C12orf56: variants seen among roughly 807,000 people sequenced by gnomAD.
The protein encoded by C12orf56 is chromosome 12 open reading frame 56.
Under a neutral mutation model 69.9 loss-of-function variants are expected in C12orf56, and 71 were observed. The observed-to-expected ratio is 1.02, with a 90% CI of 0.84 to 1.24. The LOEUF is 1.24. Among genes scored for constraint, C12orf56 ranks in the 50% most tolerant of loss-of-function variants. C12orf56 has a pLI of 0.00. For synonymous variants in C12orf56, 276 were observed against 274.1 expected (o/e 1.01, Z -0.07); for missense variants, 732 against 738.5 (o/e 0.99, Z 0.10).
intron 8 of C12orf56, among the ~76,000 whole-genome samples, chr12:64,278,309 C>CT (rs1023757900): frequency 6.6e-6 from 1 of 151,928 alleles, no homozygotes; most frequent in Non-Finnish European, 1.5e-5. Context: ...CTTCTTTTTT[C>CT]TTTTTTTAGG....
chr12:64,302,257 T>C (rs1231059998), intron 6 of C12orf56, among the ~76,000 whole-genome samples: 1 of 152,166 alleles, frequency 6.6e-6, no homozygotes, highest in Non-Finnish European at 1.5e-5. Flanking sequence ...CACTACATCA[T>C]CCTTACCTGA....
At chr12:64,366,094 T>C (rs2039472876) in intron 1 of C12orf56, among the ~76,000 whole-genome samples, 4 of 127,136 alleles carry the variant, frequency 3.1e-5, no homozygotes, top group South Asian at 2.3e-4. Flanking sequence ...TAATATATAG[T>C]TTATATATTA....
At chr12:64,358,542 G>A (rs979894313) in intron 1 of C12orf56, among the ~76,000 whole-genome samples, 22 of 144,304 alleles carry the variant, frequency 1.5e-4, no homozygotes, top group Admixed American at 1.4e-3. Context: ...GCCTGTGATT[G>A]CAGCACTTTG....
At chr12:64,346,083 A>C (rs2039137324) in intron 2 of C12orf56, among the ~76,000 whole-genome samples, 1 of 152,172 alleles carries the variant, frequency 6.6e-6, no homozygotes, top group Admixed American at 6.6e-5. Flanking sequence ...AATTTGTATT[A>C]GTCAGGGTTC....
intron 3 of C12orf56, among the ~76,000 whole-genome samples, chr12:64,321,597 G>C (rs2038774223): frequency 6.6e-6 from 1 of 152,080 alleles, no homozygotes; most frequent in South Asian, 2.1e-4. Flanking sequence ...GCCTCCCAAA[G>C]TGCTGGGATT....
At chr12:64,365,162 CTTTTT>C (rs386376771) in intron 1 of C12orf56, among the ~76,000 whole-genome samples, 2 of 123,052 alleles carry the variant, frequency 1.6e-5, no homozygotes, top group Admixed American at 9.5e-5. Flanking sequence ...AAAGCTGTTC[CTTTTT>C]TTTTTTTTTT....
chr12:64,276,244 C>G (rs2038049950), intron 9 of C12orf56, among the ~76,000 whole-genome samples: 1 of 152,136 alleles, frequency 6.6e-6, no homozygotes, highest in Admixed American at 6.5e-5. Context: ...GACATGAGAC[C>G]TGCCCTCATG....
intron 12 of C12orf56, among the ~76,000 whole-genome samples, chr12:64,270,175 A>G (rs1285160323): frequency 6.6e-6 from 1 of 151,970 alleles, no homozygotes; most frequent in Non-Finnish European, 1.5e-5. Flanking sequence ...AGGTGGGTGG[A>G]TCATCAGGTT....
In C12orf56 at chr12:64,314,747, G is replaced by A. The variant is rs369227473; in HGVS notation, c.895-1995C>T. ...CCTCCCAGGTTCAAGCGATTCTCCT[G>A]CCTCAGTCTCCCGAGTAGCTGGGAC... On this transcript the variant is annotated intron_variant, in intron 4 of 12. Coordinates refer to ENST00000543942, the MANE Select transcript of C12orf56 (RefSeq NM_001170633.2). 1.0e-3 allele frequency among the ~76,000 whole-genome samples: 156 copies of A among 151,560 alleles called. 1 individual carries two copies. The highest frequency in any genetic ancestry group is 3.7e-3 in the African/African-American group (153 of 41,300).
intron 1 of C12orf56, among the ~76,000 whole-genome samples, chr12:64,354,539 C>T (rs571111444): frequency 6.6e-6 from 1 of 152,160 alleles, no homozygotes; most frequent in East Asian, 1.9e-4. Flanking sequence ...CTCACTGCAA[C>T]CTTCGCCTCC....
intron 5 of C12orf56, among the ~76,000 whole-genome samples, chr12:64,306,419 G>GT (rs776815643): frequency 0.031 from 4,084 of 132,876 alleles, 55 homozygotes; most frequent in African/African-American, 0.04. Context: ...GGAAGGTTTT[G>GT]TTTTTTTTTT....
intron 2 of C12orf56, among the ~76,000 whole-genome samples, chr12:64,337,400 T>A (rs1440563970): frequency 6.6e-6 from 1 of 152,216 alleles, no homozygotes; most frequent in African/African-American, 2.4e-5. Context: ...GGTTTCCACC[T>A]GTATTTCTGA....
chr12:64,351,486 G>C (rs990933970), intron 2 of C12orf56, among the ~76,000 whole-genome samples: 1 of 152,194 alleles, frequency 6.6e-6, no homozygotes, highest in African/African-American at 2.4e-5. Flanking sequence ...ATTAAGCCAA[G>C]CTTCGCAATT....
At chr12:64,319,002 T>G (rs1351677173) in intron 3 of C12orf56, 22 bp from the exon 4 acceptor site, 2 of 1,438,726 alleles carry the variant, frequency 1.4e-6, no homozygotes, top group African/African-American at 1.4e-5. Flanking sequence ...AATTTAGTAT[T>G]AAACATGACA....
chr12:64,266,685 GC>G lies in C12orf56; in HGVS notation c.*497del. The G allele has an allele frequency of 2.6e-6, 2 of 760,358 alleles. No homozygotes were observed. The highest frequency in any genetic ancestry group is 3.7e-6 in the Non-Finnish European group (2 of 540,528). 47.1% of individuals were successfully genotyped at this position (760,358 alleles called of 1,614,324 possible). On this transcript the variant is annotated 3_prime_UTR_variant, in exon 13 of 13. Transcript: ENST00000543942. ...GGCATGGTTTCACCGAGAACACTGT[GC>G]CCAAGCTGAGAAGATAAAACACCTT...
chr12:64,349,569 A>T (rs1198722637), intron 2 of C12orf56, among the ~76,000 whole-genome samples: 1 of 152,272 alleles, frequency 6.6e-6, no homozygotes, highest in Non-Finnish European at 1.5e-5. Flanking sequence ...ACACATGTTT[A>T]TAGTGGTACA....
At chr12:64,283,460 A>G (rs2038157784) in intron 8 of C12orf56, among the ~76,000 whole-genome samples, 1 of 152,260 alleles carries the variant, frequency 6.6e-6, no homozygotes, top group Non-Finnish European at 1.5e-5. Flanking sequence ...CTTCCTTTTA[A>G]TAACAGATGT....
At chr12:64,371,119 C>T (rs1392272048) in intron 1 of C12orf56, among the ~76,000 whole-genome samples, 1 of 152,154 alleles carries the variant, frequency 6.6e-6, no homozygotes, top group Non-Finnish European at 1.5e-5. Context: ...AACTGGGTAT[C>T]AGCCAGACAC....
intron 9 of C12orf56, 63 bp from the exon 10 acceptor site, chr12:64,275,435 AT>A: frequency 1.3e-6 from 1 of 775,836 alleles, no homozygotes; most frequent in Middle Eastern, 2.4e-4. Context: ...ATAATTTCCC[AT>A]GGTTCCCTTT....
Sources: gnomAD v4.1 joint callset for allele counts (sites outside exome capture counted in the v4.1 genomes callset) on GRCh38, gnomAD v4.1.1 for gene constraint, MANE v1.5 for transcripts, NCBI Gene and HGNC (gene_info 2026-07-23, HGNC 2026-07-21) for gene names.